The following RBMS3 variants were observed in gnomAD, a reference collection of about 807,000 sequenced individuals.
RBMS3 encodes the protein RNA-binding motif, single-stranded-interacting protein 3.
In RBMS3, 27 loss-of-function variants were observed where a neutral mutation model predicts 66.8. That is an observed-to-expected ratio of 0.40 (90% CI 0.30 to 0.56). The LOEUF is 0.56. Ranked by LOEUF, RBMS3 falls within the 20% of genes least tolerant of loss-of-function variation. RBMS3 has a pLI of 0.40. For missense variants in RBMS3, 513 were observed against 549.5 expected, an observed-to-expected ratio of 0.93 and a Z score of 0.66; for synonymous variants, 188 against 183.0, an observed-to-expected ratio of 1.03 and a Z score of -0.22.
chr3:29,404,982 T>C (rs2039955018), intron 1 of RBMS3, among the ~76,000 whole-genome samples: 1 of 152,096 alleles, frequency 6.6e-6, no homozygotes, highest in South Asian at 2.1e-4. Context: ...TGAATGGTAA[T>C]AAAACTAGGC....
At chr3:29,579,704 A>G (rs766854541) in intron 3 of RBMS3, among the ~76,000 whole-genome samples, 3 of 152,206 alleles carry the variant, frequency 2.0e-5, no homozygotes, top group Non-Finnish European at 2.9e-5. Context: ...AACAAGACAT[A>G]TATTTTATTT....
intron 6 of RBMS3, among the ~76,000 whole-genome samples, chr3:29,812,147 C>T (rs1050742222): frequency 1.3e-5 from 2 of 152,048 alleles, no homozygotes; most frequent in African/African-American, 4.8e-5. Context: ...AGTCAGATGT[C>T]CTCCCCTCCC....
At chr3:29,871,988 A>G (rs902122548) in intron 7 of RBMS3, among the ~76,000 whole-genome samples, 3 of 149,600 alleles carry the variant, frequency 2.0e-5, no homozygotes, top group Non-Finnish European at 4.5e-5. Context: ...AATATATGCT[A>G]GTGGCCATGT....
intron 2 of RBMS3, among the ~76,000 whole-genome samples, chr3:29,446,889 T>A (rs2125751035): frequency 1.3e-5 from 2 of 149,418 alleles, no homozygotes; most frequent in African/African-American, 4.9e-5. Context: ...GTTTCTTCAA[T>A]GCTTCCATTA....
rs1699778788 is a variant in RBMS3 at position 30,005,324 on chromosome 3, T to TAGAGCC, written c.*1464_*1469dup. The TAGAGCC allele has an allele frequency of 6.6e-6, 1 of 151,852 alleles. No homozygotes were observed. Among genetic ancestry groups the TAGAGCC allele is most frequent in the Non-Finnish European group, 1.5e-5 (1 of 67,822 alleles). The allele number at this position is 151,852 out of a possible 1,614,324, so 9.4% of individuals were successfully genotyped here. A position where few individuals can be genotyped will look rare whatever the true frequency, so the allele number is the denominator to read the frequency against. ...AGAGTTCTGGATATGAACTGATTCA[T>TAGAGCC]AGAGCCAAGTGGCTTTAAATTCTGT... On this transcript the variant is annotated 3_prime_UTR_variant, in exon 15 of 15. Transcript: ENST00000383767.
intron 1 of RBMS3, among the ~76,000 whole-genome samples, chr3:29,354,851 T>C (rs1436619681): frequency 1.3e-5 from 2 of 152,160 alleles, no homozygotes; most frequent in African/African-American, 2.4e-5. Flanking sequence ...CTGTTACTTA[T>C]GTAGCACTCA....
intron 1 of RBMS3, among the ~76,000 whole-genome samples, chr3:29,305,503 C>T (rs2033948268): frequency 1.3e-5 from 2 of 151,888 alleles, no homozygotes; most frequent in Admixed American, 6.6e-5. Flanking sequence ...GTTCTGTTCT[C>T]CCAGTTCCTA....
chr3:29,419,894 A>T (rs2125699513), intron 1 of RBMS3, among the ~76,000 whole-genome samples: 1 of 152,302 alleles, frequency 6.6e-6, no homozygotes, highest in South Asian at 2.1e-4. Context: ...TGATTTTAAG[A>T]AGGCAGTTTG....
At chr3:29,802,085 T>G (rs10510627) in intron 6 of RBMS3, among the ~76,000 whole-genome samples, 65,452 of 151,920 alleles carry the variant, frequency 0.43, 14,321 homozygotes, top group African/African-American at 0.46. Flanking sequence ...GAATGTTTAG[T>G]CCTGGAAAGT....
intron 1 of RBMS3, among the ~76,000 whole-genome samples, chr3:29,310,588 G>T (rs1176173149): frequency 6.6e-6 from 1 of 151,264 alleles, no homozygotes; most frequent in Non-Finnish European, 1.5e-5. Flanking sequence ...CCATATATGT[G>T]TGCTAACATT....
chr3:29,331,787 C>T (rs918869280), intron 1 of RBMS3, among the ~76,000 whole-genome samples: 1 of 132,528 alleles, frequency 7.5e-6, no homozygotes, highest in African/African-American at 2.8e-5. Context: ...TCTGAAATAA[C>T]AAAACTTACT....
chr3:29,699,398 T>C (rs9853206), intron 4 of RBMS3, among the ~76,000 whole-genome samples: 6,253 of 152,270 alleles, frequency 0.041, 143 homozygotes, highest in Admixed American at 0.074. Flanking sequence ...CCACCTGTCT[T>C]GGCCTCCCTA....
intron 6 of RBMS3, among the ~76,000 whole-genome samples, chr3:29,827,068 C>G (rs990188095): frequency 2.0e-5 from 3 of 152,094 alleles, no homozygotes; most frequent in African/African-American, 7.2e-5. Flanking sequence ...TACCTACATT[C>G]CAGCAAGTTA....
rs1452163521 is a variant in RBMS3, at chr3:30,004,510, T to C, written c.*648T>C. ...TCACTGGCACAGAAGTTTAAGACTA[T>C]GAGTTTTTAGGGTGAAGAAAAAACT... On this transcript the variant is annotated 3_prime_UTR_variant, in exon 15 of 15. Coordinates refer to ENST00000383767, the MANE Select transcript of RBMS3 (RefSeq NM_001003793.3). 2.6e-5 allele frequency: 4 copies of C among 152,174 alleles called. No individual in the cohort carries two copies. The highest frequency in any genetic ancestry group is 4.4e-5 in the Non-Finnish European group (3 of 67,804). The allele number at this position is 152,174 out of a possible 1,614,324, so 9.4% of individuals were successfully genotyped here.
chr3:29,936,109 G>A lies in RBMS3; in HGVS notation c.963G>A (p.Met321Ile), dbSNP rs1349969678. The A allele has an allele frequency of 6.2e-7, 1 of 1,613,052 alleles. No individual in the cohort carries two copies. The highest frequency in any genetic ancestry group is 8.5e-7 in the Non-Finnish European group (1 of 1,179,476). The change falls in exon 11 of 15, where the codon ATG (methionine) becomes ATA (isoleucine). Residue 321 changes from methionine (M) to isoleucine (I), a missense_variant. Transcript: ENST00000383767. The stretch of plus-strand genomic sequence containing the variant: ...AGGGTGCTGTGATTACACCAACCAT[G>A]GACCATCCCATGTCAATGCAGCCAG... ...QPTGAVITPT[M>I]DHPMSMQPAN... is the part of the protein sequence containing the mutation.
chr3:29,514,417 A>G (rs1230389434), intron 3 of RBMS3, among the ~76,000 whole-genome samples: 1 of 151,988 alleles, frequency 6.6e-6, no homozygotes, highest in Non-Finnish European at 1.5e-5. Flanking sequence ...TAGTTTTCTC[A>G]TTTAACATCT....
chr3:29,359,199 T>A (rs1356078351), intron 1 of RBMS3, among the ~76,000 whole-genome samples: 1 of 152,210 alleles, frequency 6.6e-6, no homozygotes, highest in East Asian at 1.9e-4. Flanking sequence ...TAAATAGCTC[T>A]TATTATTTTG....
chr3:29,872,100 A>G (rs981071860), intron 7 of RBMS3, among the ~76,000 whole-genome samples: 2 of 152,122 alleles, frequency 1.3e-5, no homozygotes, highest in Non-Finnish European at 2.9e-5. Flanking sequence ...GGGGGCTATT[A>G]GGCTCTTCTT....
At chr3:29,598,568 A>G (rs2048040723) in intron 4 of RBMS3, among the ~76,000 whole-genome samples, 1 of 152,110 alleles carries the variant, frequency 6.6e-6, no homozygotes, top group Non-Finnish European at 1.5e-5. Flanking sequence ...TCTAGAAGAT[A>G]AGATTACACA....
Sources: gnomAD v4.1 joint callset for allele counts (sites outside exome capture counted in the v4.1 genomes callset) on GRCh38, gnomAD v4.1.1 for gene constraint, MANE v1.5 for transcripts, NCBI Gene and HGNC (gene_info 2026-07-23, HGNC 2026-07-21) for gene names.